Variants in SAMD5 observed in about 807,000 individuals in gnomAD.
SAMD5 encodes sterile alpha motif domain containing 5.
A neutral mutation model predicts 11.3 loss-of-function variants in SAMD5; 13 were observed. The observed-to-expected ratio is 1.15, with a 90% confidence interval of 0.75 to 1.83. SAMD5 has a LOEUF of 1.83. Among genes scored for constraint, SAMD5 ranks in the 40% most tolerant of loss-of-function variants. SAMD5 has a pLI of 0.00. For missense variants in SAMD5, 255 were observed against 239.1 expected (o/e 1.07, Z -0.44); for synonymous variants, 129 against 111.3 (o/e 1.16, Z -1.00).
the SAMD5 span, among the ~76,000 whole-genome samples, chr6:147,902,436 A>G: frequency 2.0e-5 from 3 of 152,092 alleles, no homozygotes; most frequent in Non-Finnish European, 2.9e-5. Context: ...TCCCAGGAAC[A>G]CATGGTAATG....
At chr6:147,934,894 G>A in the SAMD5 span, among the ~76,000 whole-genome samples, 1 of 152,106 alleles carries the variant, frequency 6.6e-6, no homozygotes, top group Non-Finnish European at 1.5e-5. Context: ...GAACAAGTGG[G>A]CCAAATTGCA....
chr6:147,719,042 T>C (rs75455335), intron 1 of SAMD5, among the ~76,000 whole-genome samples: 1 of 152,214 alleles, frequency 6.6e-6, no homozygotes, highest in African/African-American at 2.4e-5. Flanking sequence ...ACCAGCCAGA[T>C]ACCAATGACT....
chr6:147,804,566 A>C, the SAMD5 span, among the ~76,000 whole-genome samples: 3 of 152,230 alleles, frequency 2.0e-5, no homozygotes, highest in African/African-American at 7.2e-5. Context: ...ATAATCTAGC[A>C]TCAAAGTTTC....
chr6:147,899,170 C>CAAAAAAAAAAAAAAA, the SAMD5 span, among the ~76,000 whole-genome samples: 2 of 62,614 alleles, frequency 3.2e-5, no homozygotes, highest in Admixed American at 2.0e-4. Flanking sequence ...GACTCTGTCT[C>CAAAAAAAAAAAAAAA]AAAAAAAAAA....
intron 1 of SAMD5, among the ~76,000 whole-genome samples, chr6:147,598,555 T>C (rs1260700746): frequency 6.6e-6 from 1 of 152,182 alleles, no homozygotes; most frequent in Non-Finnish European, 1.5e-5. Context: ...ACCCTGTGTC[T>C]ACATAGGTTA....
At chr6:147,533,120 A>G (rs1788455054) in intron 1 of SAMD5, among the ~76,000 whole-genome samples, 3 of 152,178 alleles carry the variant, frequency 2.0e-5, no homozygotes. Flanking sequence ...CAGCACACCC[A>G]GAGCCCAGAC....
chr6:147,614,098 G>T (rs1423492598), intron 1 of SAMD5, among the ~76,000 whole-genome samples: 1 of 151,944 alleles, frequency 6.6e-6, no homozygotes, highest in Non-Finnish European at 1.5e-5. Flanking sequence ...GATGGCATTG[G>T]GTGAGTTCAG....
Position 147,567,685 on chromosome 6 carries a change from T to C in SAMD5, c.*3229T>C. On this transcript the variant is annotated 3_prime_UTR_variant, in exon 2 of 2. Transcript: ENST00000367474. Reference sequence around the variant, plus strand: ...TTACTCTCAGTTGTCTTATTTCTTCTTATGCAGAAGAGATTACCTTAAAGC... The same window carrying C: ...TTACTCTCAGTTGTCTTATTTCTTCCTATGCAGAAGAGATTACCTTAAAGC... The C allele has an allele frequency of 1.0e-6, 1 of 985,396 alleles. No individual in the cohort carries two copies. Among genetic ancestry groups the C allele is most frequent in the Non-Finnish European group, 1.2e-6 (1 of 829,902 alleles). 61.0% of individuals were successfully genotyped at this position (985,396 alleles called of 1,614,324 possible).
At chr6:147,677,893 CAA>C (rs1790887636) in intron 1 of SAMD5, among the ~76,000 whole-genome samples, 1 of 152,110 alleles carries the variant, frequency 6.6e-6, no homozygotes. Flanking sequence ...GGCAATATCC[CAA>C]GTGTCATCTT....
At chr6:147,713,650 T>C (rs953976607) in intron 1 of SAMD5, among the ~76,000 whole-genome samples, 9 of 152,130 alleles carry the variant, frequency 5.9e-5, no homozygotes, top group African/African-American at 2.2e-4. Flanking sequence ...TGGGGGAAAC[T>C]AGGGCCCAAG....
At chr6:147,533,667 C>T (rs1350840666) in intron 1 of SAMD5, among the ~76,000 whole-genome samples, 1 of 151,930 alleles carries the variant, frequency 6.6e-6, no homozygotes, top group Non-Finnish European at 1.5e-5. Context: ...CCCCCTTCCT[C>T]CTCCTCCCCG....
At chr6:147,797,901 A>T in the SAMD5 span, among the ~76,000 whole-genome samples, 1 of 150,664 alleles carries the variant, frequency 6.6e-6, no homozygotes, top group Non-Finnish European at 1.5e-5. Flanking sequence ...TTTCTGTGGG[A>T]TCGGTGGTGA....
the SAMD5 span, among the ~76,000 whole-genome samples, chr6:147,907,490 T>G: frequency 2.0e-5 from 3 of 152,256 alleles, no homozygotes; most frequent in South Asian, 4.1e-4. Flanking sequence ...TGCACCAACC[T>G]AATATCTACC....
At chr6:147,720,733 A>G (rs568130684) in intron 1 of SAMD5, among the ~76,000 whole-genome samples, 98 of 151,960 alleles carry the variant, frequency 6.4e-4, no homozygotes, top group Non-Finnish European at 1.1e-3. Context: ...GTTTTAGGGT[A>G]CATGTGCACA....
chr6:147,702,930 C>T (rs918270704), intron 1 of SAMD5, among the ~76,000 whole-genome samples: 3 of 152,190 alleles, frequency 2.0e-5, no homozygotes, highest in African/African-American at 7.2e-5. Flanking sequence ...AGCCTGTTCT[C>T]TTGGGCCAAA....
At chr6:147,899,123 A>G in the SAMD5 span, among the ~76,000 whole-genome samples, 1 of 142,808 alleles carries the variant, frequency 7.0e-6, no homozygotes, top group African/African-American at 2.7e-5. Flanking sequence ...GTGAGCCAAG[A>G]TCGCGCCACT....
At chr6:147,656,764 GA>G (rs1258964333) in intron 1 of SAMD5, among the ~76,000 whole-genome samples, 1 of 152,130 alleles carries the variant, frequency 6.6e-6, no homozygotes, top group Non-Finnish European at 1.5e-5. Flanking sequence ...CTGCTGGTGG[GA>G]ATAGCAAATG....
the SAMD5 span, among the ~76,000 whole-genome samples, chr6:147,745,777 CT>C: frequency 0.14 from 18,967 of 133,106 alleles, 1,026 homozygotes; most frequent in African/African-American, 0.19. Flanking sequence ...TTCTTTCTTT[CT>C]TTTTTTTTTT....
At chr6:147,763,644 G>A in the SAMD5 span, among the ~76,000 whole-genome samples, 3 of 151,856 alleles carry the variant, frequency 2.0e-5, no homozygotes, top group South Asian at 2.1e-4. Flanking sequence ...GCAGTGGCGC[G>A]ATTTTGGCTC....
Sources: gnomAD v4.1 joint callset for allele counts (sites outside exome capture counted in the v4.1 genomes callset) on GRCh38, gnomAD v4.1.1 for gene constraint, MANE v1.5 for transcripts, NCBI Gene and HGNC (gene_info 2026-07-23, HGNC 2026-07-21) for gene names.